Variants in PRUNE1 observed in about 807,000 individuals in gnomAD.
The protein encoded by PRUNE1 is exopolyphosphatase PRUNE1.
A neutral mutation model predicts 42.5 loss-of-function variants in PRUNE1; 25 were observed. The ratio of observed to expected loss-of-function variants is 0.59; its 90% CI spans 0.43 to 0.82. The LOEUF (loss-of-function observed/expected upper bound fraction) is 0.82, where lower values mean the gene tolerates loss of function less well. Ranked by LOEUF, PRUNE1 falls within the 40% of genes least tolerant of loss-of-function variation. PRUNE1 has a pLI of 0.00. For synonymous variants in PRUNE1, 203 were observed against 217.1 expected (o/e 0.93, Z 0.57); for missense variants, 443 against 539.3 (o/e 0.82, Z 1.77).
chr1:151,014,465 A>G (rs929962004), intron 1 of PRUNE1, among the ~76,000 whole-genome samples: 1 of 152,172 alleles, frequency 6.6e-6, no homozygotes, highest in African/African-American at 2.4e-5. Flanking sequence ...TCGTAACTGG[A>G]TGGGGCAATT....
chr1:151,028,762 C>T (rs1476921502), intron 6 of PRUNE1, 24 bp from the exon 7 acceptor site: 4 of 1,608,266 alleles, frequency 2.5e-6, no homozygotes, highest in South Asian at 2.2e-5. Context: ...AGTCCTTCAT[C>T]CCTCTCCGTT....
chr1:151,008,493 T>A lies in PRUNE1; in HGVS notation c.-140T>A. On this transcript the variant is annotated 5_prime_UTR_variant, in exon 1 of 8. Transcript: ENST00000271620. Reference sequence around the variant, plus strand: ...CCCGGGGTCGGAGGCCGATTCGCCGTGTGGCGGGTTCGAGTCCCGCCTCCT... The same window carrying A: ...CCCGGGGTCGGAGGCCGATTCGCCGAGTGGCGGGTTCGAGTCCCGCCTCCT... 8.1e-7 allele frequency: 1 copy of A among 1,240,084 alleles called. No homozygotes were observed. 76.8% of individuals were successfully genotyped at this position (1,240,084 alleles called of 1,614,324 possible). A position where few individuals can be genotyped will look rare whatever the true frequency, so the allele number is the denominator to read the frequency against.
At chr1:151,019,846 G>T (rs1201392823) in intron 3 of PRUNE1, among the ~76,000 whole-genome samples, 4 of 147,942 alleles carry the variant, frequency 2.7e-5, no homozygotes, top group South Asian at 2.1e-4. Context: ...ATTTTTTTTT[G>T]AGATGGAGTC....
chr1:151,010,722 G>GT (rs1673724145), intron 1 of PRUNE1, among the ~76,000 whole-genome samples: 1 of 147,514 alleles, frequency 6.8e-6, no homozygotes, highest in African/African-American at 2.5e-5. Flanking sequence ...CCAGGCTGGA[G>GT]TAGGCTCACT....
chr1:151,024,083 G>A (rs1161736721), intron 3 of PRUNE1, among the ~76,000 whole-genome samples: 1 of 151,714 alleles, frequency 6.6e-6, no homozygotes, highest in Non-Finnish European at 1.5e-5. Context: ...GGTTACCCAG[G>A]AGGCTGAGGC....
chr1:151,012,492 G>A (rs1673833478), intron 1 of PRUNE1, among the ~76,000 whole-genome samples: 3 of 152,140 alleles, frequency 2.0e-5, no homozygotes, highest in African/African-American at 7.2e-5. Context: ...AGGGATACAT[G>A]ACCATGAAAA....
intron 7 of PRUNE1, among the ~76,000 whole-genome samples, chr1:151,032,001 T>G (rs1378149423): frequency 1.3e-5 from 2 of 152,166 alleles, no homozygotes; most frequent in Non-Finnish European, 2.9e-5. Context: ...TCCCAGAACT[T>G]TGGGAGGCTG....
At chr1:151,032,849 C>G (rs587700438) in intron 7 of PRUNE1, among the ~76,000 whole-genome samples, 2 of 151,790 alleles carry the variant, frequency 1.3e-5, no homozygotes, top group Admixed American at 1.3e-4. Flanking sequence ...TCTCGGCTCA[C>G]TGCAACCTCC....
chr1:151,034,264 G>C lies in PRUNE1; in HGVS notation c.*30G>C. On this transcript the variant is annotated 3_prime_UTR_variant, in exon 8 of 8. Transcript: ENST00000271620. Reference sequence around the variant, plus strand: ...TGAGAGGCGAGGAGGTAGTGGGTGAGGCTACCTGACTCACTTCAAATGCAT... The same window carrying C: ...TGAGAGGCGAGGAGGTAGTGGGTGACGCTACCTGACTCACTTCAAATGCAT... 1 of 1,585,158 alleles carries C rather than the reference G, an allele frequency of 6.3e-7. No homozygotes were observed. Among genetic ancestry groups the C allele is most frequent in the Non-Finnish European group, 8.6e-7 (1 of 1,160,544 alleles).
intron 3 of PRUNE1, 28 bp from the exon 4 acceptor site, chr1:151,024,583 C>T: frequency 2.6e-6 from 4 of 1,568,260 alleles, no homozygotes; most frequent in Non-Finnish European, 3.5e-6. Context: ...ATCTTTCTTC[C>T]TCTTTTCCCA....
chr1:151,033,734 C>CG, intron 7 of PRUNE1, 72 bp from the exon 8 acceptor site: 1 of 1,428,710 alleles, frequency 7.0e-7, no homozygotes, highest in Non-Finnish European at 9.6e-7. Flanking sequence ...TAGAGGAAGC[C>CG]TCTCACTTAG....
At chr1:151,033,348 G>A (rs1298674764) in intron 7 of PRUNE1, among the ~76,000 whole-genome samples, 1 of 150,794 alleles carries the variant, frequency 6.6e-6, no homozygotes, top group Admixed American at 6.6e-5. Flanking sequence ...GCCTCCCAAA[G>A]TGCTGGGATT....
In PRUNE1 at chr1:151,028,814, C is replaced by T; in HGVS notation, c.803C>T (p.Ala268Val). 1 of 1,614,092 alleles carries T rather than the reference C, an allele frequency of 6.2e-7. No homozygotes were observed. Among genetic ancestry groups the T allele is most frequent in the East Asian group, 2.2e-5 (1 of 44,880 alleles). ...EAFLQRSNLL[A>V]DLHAFCQAHS... is the part of the protein sequence containing the mutation. ...TTTCTGCAGAGGTCTAACCTCCTTG[C>T]AGATCTCCATGCTTTCTGCCAGGCT... The change falls in exon 7 of 8, where the codon GCA (alanine) becomes GTA (valine). Residue 268 changes from alanine to valine, a missense_variant. Transcript: ENST00000271620.
At chr1:151,010,284 A>G (rs1329147892) in intron 1 of PRUNE1, among the ~76,000 whole-genome samples, 7 of 152,050 alleles carry the variant, frequency 4.6e-5, no homozygotes, top group Non-Finnish European at 8.8e-5. Flanking sequence ...GGGTCTCGCC[A>G]TGCTGCCCAA....
intron 6 of PRUNE1, 123 bp from the exon 7 acceptor site, chr1:151,028,663 A>G (rs1451806526): frequency 2.1e-6 from 2 of 961,364 alleles, no homozygotes; most frequent in African/African-American, 3.3e-5. Context: ...ACCTCAAGTG[A>G]TCACCTGCCT....
At chr1:151,026,736 G>A (rs1674862781) in intron 5 of PRUNE1, among the ~76,000 whole-genome samples, 1 of 151,856 alleles carries the variant, frequency 6.6e-6, no homozygotes, top group Non-Finnish European at 1.5e-5. Context: ...AAAAGTAAAA[G>A]CCTCTGTTCT....
intron 7 of PRUNE1, among the ~76,000 whole-genome samples, chr1:151,030,293 G>A (rs906641221): frequency 6.8e-4 from 103 of 151,534 alleles, no homozygotes; most frequent in African/African-American, 2.4e-3. Flanking sequence ...TGGGCTTAAG[G>A]CAGTTCAGGG....
intron 3 of PRUNE1, among the ~76,000 whole-genome samples, chr1:151,019,825 TTTAA>T (rs1674312817): frequency 1.4e-5 from 2 of 147,178 alleles, no homozygotes; most frequent in South Asian, 4.3e-4. Flanking sequence ...TAATTTTAAT[TTTAA>T]TTAATTATTT....
chr1:151,024,636 G>T lies in PRUNE1; in HGVS notation c.361G>T (p.Val121Leu). ...SKSDTALEEA[V>L]AEVLDHRPIE... ...AAGTGACACAGCCCTAGAGGAGGCA[G>T]TAGCAGAGGTGCTAGACCATCGACC... Residue 121 changes from valine to leucine, a missense_variant, in exon 4 of 8, where the codon GTA becomes TTA. Transcript: ENST00000271620. 6.2e-7 allele frequency: 1 copy of T among 1,611,754 alleles called. No individual in the cohort carries two copies. The highest frequency in any genetic ancestry group is 8.5e-7 in the Non-Finnish European group (1 of 1,177,832).
Sources: allele counts gnomAD v4.1 joint callset (sites outside exome capture counted in the v4.1 genomes callset), GRCh38; gene constraint gnomAD v4.1.1; transcripts MANE v1.5; gene names NCBI Gene and HGNC (gene_info 2026-07-23, HGNC 2026-07-21).